The following RUFY2 variants were observed in gnomAD, a reference collection of about 807,000 sequenced individuals.
RUFY2 encodes RUN and FYVE domain-containing protein 2.
A neutral mutation model predicts 94.4 loss-of-function variants in RUFY2; 49 were observed. The observed-to-expected ratio is 0.52, with a 90% CI of 0.41 to 0.66. The LOEUF is 0.66. RUFY2 is among the 30% of genes least tolerant of loss of function. The pLI is 0.00. For synonymous variants in RUFY2, 255 were observed against 235.7 expected (o/e 1.08, Z -0.75); for missense variants, 541 against 692.8 (o/e 0.78, Z 2.46).
intron 12 of RUFY2, chr10:68,379,072 A>G (rs2048851148): frequency 3.7e-6 from 1 of 267,310 alleles, no homozygotes; most frequent in African/African-American, 2.2e-5. Context: ...GAATATGACA[A>G]TTAATATGCA....
rs571642385 is a variant in RUFY2 at position 68,407,139 on chromosome 10, G to T, written c.4+47C>A. On this transcript the variant is annotated intron_variant, in intron 1 of 17. Coordinates refer to ENST00000602465, the MANE Select transcript of RUFY2 (RefSeq NM_001330103.2). ...CCACCCCGCCTGGCCGCGGCCCTCA[G>T]CCCGGGACTGAGGGCCTAGCGTTCG... 28 of 1,506,572 alleles carry T rather than the reference G, an allele frequency of 1.9e-5. No homozygotes were observed. In the South Asian group the frequency reaches 3.5e-4, roughly 19 times the overall value. The allele number at this position is 1,506,572 out of a possible 1,614,324, so 93.3% of individuals were successfully genotyped here.
At chr10:68,347,106 C>G (rs1273872255) in intron 16 of RUFY2, among the ~76,000 whole-genome samples, 1 of 151,522 alleles carries the variant, frequency 6.6e-6, no homozygotes, top group Non-Finnish European at 1.5e-5. Context: ...CGAGCCTGAG[C>G]AAGAGTGAGA....
chr10:68,406,648 C>A, intron 1 of RUFY2: 2 of 1,131,112 alleles, frequency 1.8e-6, no homozygotes, highest in South Asian at 1.6e-5. Flanking sequence ...GTGCCCGCAC[C>A]TTGCCGGGGC....
chr10:68,392,491 T>C (rs2050072082), intron 7 of RUFY2, among the ~76,000 whole-genome samples: 2 of 152,198 alleles, frequency 1.3e-5, no homozygotes, highest in East Asian at 3.8e-4. Context: ...CACATTTACA[T>C]ATGAAGCCCT....
chr10:68,381,510 T>G, intron 10 of RUFY2, 111 bp from the exon 11 acceptor site: 1 of 974,860 alleles, frequency 1.0e-6, no homozygotes, highest in African/African-American at 1.6e-5. Context: ...TTAAGTCCAC[T>G]AAAGGGAATC....
intron 16 of RUFY2, 75 bp from the exon 17 acceptor site, chr10:68,346,159 CATTA>C: frequency 9.2e-7 from 1 of 1,089,208 alleles, no homozygotes; most frequent in Non-Finnish European, 1.3e-6. Flanking sequence ...CCCCCAAGAA[CATTA>C]TTTATAGGAA....
chr10:68,361,673 C>A lies in RUFY2; in HGVS notation c.1550+1917G>T, dbSNP rs1043626390. 3.9e-5 allele frequency among the ~76,000 whole-genome samples: 6 copies of A among 152,196 alleles called. 1 individual carries two copies. The highest frequency in any genetic ancestry group is 3.3e-4 in the Admixed American group (5 of 15,268). On this transcript the variant is annotated intron_variant, in intron 15 of 17. Coordinates refer to ENST00000602465, the MANE Select transcript of RUFY2 (RefSeq NM_001330103.2). The stretch of plus-strand genomic sequence containing the variant: ...AGATCTAATATTTCCTTTTCTGGTT[C>A]TAGTGAATTACTCCTTCTTATGCCC...
At chr10:68,371,094 T>C (rs1171807246) in intron 13 of RUFY2, among the ~76,000 whole-genome samples, 1 of 140,094 alleles carries the variant, frequency 7.1e-6, no homozygotes, top group African/African-American at 2.7e-5. Flanking sequence ...ACCGCGCCAC[T>C]GCACTCCAGC....
chr10:68,343,620 A>G lies in RUFY2; in HGVS notation c.*2148T>C, dbSNP rs2046101063. 1.3e-5 allele frequency: 2 copies of G among 152,496 alleles called. No homozygotes were observed. Among genetic ancestry groups the G allele is most frequent in the Non-Finnish European group, 2.9e-5 (2 of 67,986 alleles). 9.4% of individuals were successfully genotyped at this position (152,496 alleles called of 1,614,324 possible). A position where few individuals can be genotyped will look rare whatever the true frequency, so the allele number is the denominator to read the frequency against. On this transcript the variant is annotated 3_prime_UTR_variant, in exon 18 of 18. Coordinates refer to ENST00000602465, the MANE Select transcript of RUFY2 (RefSeq NM_001330103.2). ...TGTAATTCCCTGGCACCATGATAGCATTATTGTGGTAGTACTGCTAGGTGA... is the reference window on the plus strand; with the variant it reads ...TGTAATTCCCTGGCACCATGATAGCGTTATTGTGGTAGTACTGCTAGGTGA...
rs187676178 is a variant in RUFY2 at position 68,405,891 on chromosome 10, G to T, written c.5-1047C>A. Reference sequence around the variant, plus strand: ...AGTTAATAGATGCAAATTCTAAAAGGCCTGATTTTTAATTGATATTTTTAA... The same window carrying T: ...AGTTAATAGATGCAAATTCTAAAAGTCCTGATTTTTAATTGATATTTTTAA... On this transcript the variant is annotated intron_variant, in intron 1 of 17. Transcript: ENST00000602465. 4.2e-3 allele frequency: 659 copies of T among 157,706 alleles called. 2 individuals are homozygous for T. The highest frequency in any genetic ancestry group is 0.036 in the Middle Eastern group (11 of 302). The allele number at this position is 157,706 out of a possible 1,614,324, so 9.8% of individuals were successfully genotyped here.
chr10:68,382,113 A>G (rs1356557699), intron 10 of RUFY2, among the ~76,000 whole-genome samples: 2 of 148,666 alleles, frequency 1.3e-5, no homozygotes, highest in East Asian at 4.0e-4. Flanking sequence ...CAGTGGCACC[A>G]TCTTGGCCCA....
intron 13 of RUFY2, among the ~76,000 whole-genome samples, chr10:68,376,444 A>G (rs112230544): frequency 0.11 from 640 of 5,886 alleles, 7 homozygotes; most frequent in African/African-American, 0.15. Context: ...AAATGTGTGT[A>G]TATATATATA....
downstream of RUFY2, chr10:68,341,323 T>G: frequency 6.3e-7 from 1 of 1,592,914 alleles, no homozygotes; most frequent in South Asian, 1.2e-5. Flanking sequence ...AGTGGTGTCT[T>G]TGGCACACAA....
At chr10:68,388,872 A>C (rs2049756031) in intron 7 of RUFY2, among the ~76,000 whole-genome samples, 1 of 151,882 alleles carries the variant, frequency 6.6e-6, no homozygotes, top group South Asian at 2.1e-4. Context: ...AAAGAAAAAG[A>C]AAAAGCAATG....
chr10:68,386,028 C>T (rs1235340107), intron 8 of RUFY2, 31 bp downstream of exon 8: 7 of 1,434,216 alleles, frequency 4.9e-6, no homozygotes, highest in Non-Finnish European at 6.8e-6. Context: ...AACACTAGGT[C>T]CATGAAATAC....
intron 3 of RUFY2, among the ~76,000 whole-genome samples, chr10:68,399,924 G>C (rs1006883996): frequency 1.3e-5 from 2 of 152,086 alleles, no homozygotes; most frequent in African/African-American, 4.8e-5. Context: ...TGGGATTACA[G>C]GCATGTGCCA....
At chr10:68,359,057 T>C (rs999876638) in intron 15 of RUFY2, among the ~76,000 whole-genome samples, 11 of 151,948 alleles carry the variant, frequency 7.2e-5, no homozygotes, top group Non-Finnish European at 1.0e-4. Flanking sequence ...GGAGCATCGG[T>C]TACAATCCCA....
At chr10:68,403,562 G>A (rs1461560794) in intron 2 of RUFY2, among the ~76,000 whole-genome samples, 1 of 152,076 alleles carries the variant, frequency 6.6e-6, no homozygotes, top group Non-Finnish European at 1.5e-5. Flanking sequence ...GTTAATAGAA[G>A]AGAATGAATA....
intron 13 of RUFY2, among the ~76,000 whole-genome samples, chr10:68,365,069 T>C (rs1431159438): frequency 2.0e-5 from 3 of 152,314 alleles, no homozygotes; most frequent in East Asian, 1.9e-4. Context: ...TATTTTAATA[T>C]GTTTGTGTTA....
Sources: gnomAD v4.1 joint callset for allele counts (sites outside exome capture counted in the v4.1 genomes callset) on GRCh38, gnomAD v4.1.1 for gene constraint, MANE v1.5 for transcripts, NCBI Gene and HGNC (gene_info 2026-07-23, HGNC 2026-07-21) for gene names.